The following TMC5 variants were observed in gnomAD, a reference collection of about 807,000 sequenced individuals.
TMC5 encodes the protein transmembrane channel-like protein 5.
Under a neutral mutation model 110.5 loss-of-function variants are expected in TMC5, and 86 were observed. That is an observed-to-expected ratio of 0.78 (90% CI 0.65 to 0.93). TMC5 has a LOEUF of 0.93. Among genes scored for constraint, TMC5 ranks in the 40% least tolerant of loss-of-function variants. The pLI, the probability that TMC5 is intolerant of heterozygous loss-of-function variation, is 0.00. For synonymous variants in TMC5, 455 were observed against 439.5 expected, an observed-to-expected ratio of 1.04 and a Z score of -0.44; for missense variants, 1,144 against 1,222.8, an observed-to-expected ratio of 0.94 and a Z score of 0.96.
At chr16:19,476,440 G>A (rs566229668) in intron 12 of TMC5, among the ~76,000 whole-genome samples, 5 of 152,240 alleles carry the variant, frequency 3.3e-5, no homozygotes, top group African/African-American at 7.2e-5. Context: ...CCCAGCCACC[G>A]ATCCATGGTG....
At chr16:19,469,237 C>T (rs972949021) in intron 9 of TMC5, among the ~76,000 whole-genome samples, 3 of 151,652 alleles carry the variant, frequency 2.0e-5, no homozygotes, top group Non-Finnish European at 4.4e-5. Flanking sequence ...ACCTGTAATC[C>T]CTGTTACTTG....
rs554598993 is a variant in TMC5 at position 19,468,482 on chromosome 16, C to A, written c.1638-1199C>A. 1.5e-4 allele frequency among the ~76,000 whole-genome samples: 23 copies of A among 152,236 alleles called. No individual in the cohort carries two copies. In the South Asian group the frequency reaches 1.7e-3, roughly 11 times the overall value. On this transcript the variant is annotated intron_variant, in intron 9 of 21. Coordinates refer to ENST00000542583, the MANE Select transcript of TMC5 (RefSeq NM_001261841.2). ...GGCTGAATAATCTCCCCCGACCCCC[C>A]CCAGAGAAGTCTACATCCTAATCCC...
intron 5 of TMC5, 127 bp from the exon 6 acceptor site, chr16:19,460,108 A>C: frequency 1.8e-6 from 1 of 568,430 alleles, no homozygotes; most frequent in Non-Finnish European, 3.0e-6. Flanking sequence ...TTCCTTTGTG[A>C]TCTTTGAGAT....
At chr16:19,485,296 G>T (rs1415793228) in intron 15 of TMC5, among the ~76,000 whole-genome samples, 2 of 152,008 alleles carry the variant, frequency 1.3e-5, no homozygotes, top group African/African-American at 4.8e-5. Flanking sequence ...GAAAACTAAG[G>T]TTTAGAGAGA....
At chr16:19,490,751 C>CTTCCTTCA (rs1968871160) in intron 18 of TMC5, among the ~76,000 whole-genome samples, 183 bp downstream of exon 18, 1 of 130,198 alleles carries the variant, frequency 7.7e-6, no homozygotes, top group South Asian at 2.7e-4. Flanking sequence ...TCCTTCCTTC[C>CTTCCTTCA]TTCCTTCCTT....
chr16:19,496,887 C>CAAAAAAAAAAAAAAAAAAAAAA (rs67040638), intron 20 of TMC5, among the ~76,000 whole-genome samples: 2 of 80,222 alleles, frequency 2.5e-5, no homozygotes, highest in African/African-American at 1.0e-4. Context: ...AAGACTCTGT[C>CAAAAAAAAAAAAAAAAAAAAAA]AAAAAAAAAA....
intron 1 of TMC5, among the ~76,000 whole-genome samples, chr16:19,418,727 G>GTTTTTTTTTTTTTT (rs57232416): frequency 1.7e-5 from 2 of 119,116 alleles, no homozygotes; most frequent in African/African-American, 3.0e-5. Flanking sequence ...TGATTTTTGT[G>GTTTTTTTTTTTTTT]TTTTTTTTTT....
At chr16:19,468,147 C>G (rs1230466284) in intron 9 of TMC5, among the ~76,000 whole-genome samples, 1 of 151,428 alleles carries the variant, frequency 6.6e-6, no homozygotes, top group Non-Finnish European at 1.5e-5. Flanking sequence ...GCTAATTTTT[C>G]TATTTTTAGT....
chr16:19,420,426 C>CA (rs537866257), intron 1 of TMC5, among the ~76,000 whole-genome samples: 2,230 of 142,402 alleles, frequency 0.016, 41 homozygotes, highest in African/African-American at 0.052. Context: ...GACTCCGTCT[C>CA]AAAAAAAAAA....
chr16:19,456,944 A>C (rs1967891428), intron 5 of TMC5: 1 of 1,614,204 alleles, frequency 6.2e-7, no homozygotes. Flanking sequence ...GAATGAGTCG[A>C]TGTCTCAGAC....
intron 18 of TMC5, among the ~76,000 whole-genome samples, chr16:19,491,679 G>T (rs1003484071): frequency 6.6e-6 from 1 of 151,820 alleles, no homozygotes; most frequent in Non-Finnish European, 1.5e-5. Context: ...GGGACTACAG[G>T]CACCCACCAC....
intron 19 of TMC5, among the ~76,000 whole-genome samples, chr16:19,492,543 T>G (rs1274942517): frequency 6.6e-6 from 1 of 152,002 alleles, no homozygotes; most frequent in Non-Finnish European, 1.5e-5. Flanking sequence ...CCTCCAGGGT[T>G]CAAGCGATTC....
intron 5 of TMC5, among the ~76,000 whole-genome samples, chr16:19,449,922 T>A (rs773297145): frequency 6.6e-6 from 1 of 152,224 alleles, no homozygotes; most frequent in African/African-American, 2.4e-5. Context: ...CATGAGGAAC[T>A]GTAAGACAAT....
chr16:19,456,064 G>A (rs1474422376), intron 5 of TMC5, among the ~76,000 whole-genome samples: 1 of 151,654 alleles, frequency 6.6e-6, no homozygotes, highest in Non-Finnish European at 1.5e-5. Context: ...AAAATTAGCC[G>A]GGCATGGTGG....
At chr16:19,473,083 C>T (rs1361445036) in intron 11 of TMC5, among the ~76,000 whole-genome samples, 6 of 152,152 alleles carry the variant, frequency 3.9e-5, no homozygotes, top group East Asian at 1.9e-4. Flanking sequence ...CAGTGGCTCA[C>T]GCCTGTAATC....
At chr16:19,416,920 C>T (rs1966880036), upstream of TMC5, among the ~76,000 whole-genome samples, 1 of 151,418 alleles carries the variant, frequency 6.6e-6, no homozygotes, top group Non-Finnish European at 1.5e-5. Flanking sequence ...ATGGTGAAAC[C>T]CCATCTCTAC....
At chr16:19,459,045 C>CTT (rs570759406) in intron 5 of TMC5, among the ~76,000 whole-genome samples, 13 of 143,188 alleles carry the variant, frequency 9.1e-5, no homozygotes, top group Admixed American at 2.8e-4. Context: ...TTGTTTTTTG[C>CTT]TTTTTTTTTT....
Position 19,440,299 on chromosome 16 carries a change from A to T in TMC5, c.261A>T (p.Arg87Ser), listed in dbSNP as rs1358135556. ...SLSNPDYSGT[R>S]SNAYSAASRT... is the part of the protein sequence containing the mutation. ...GTAATCCAGACTATTCTGGCACCAG[A>T]AGCAATGCATACTCTGCAGCCTCTA... Residue 87 changes from arginine to serine, a missense_variant, in exon 3 of 22, where the codon AGA becomes AGT. Coordinates refer to ENST00000542583, the MANE Select transcript of TMC5 (RefSeq NM_001261841.2). 2 of 1,614,028 alleles carry T rather than the reference A, an allele frequency of 1.2e-6. No individual in the cohort carries two copies. The highest frequency in any genetic ancestry group is 2.7e-5 in the African/African-American group (2 of 74,910).
At chr16:19,439,500 A>G (rs557900071) in intron 2 of TMC5, among the ~76,000 whole-genome samples, 1 of 152,318 alleles carries the variant, frequency 6.6e-6, no homozygotes, top group African/African-American at 2.4e-5. Context: ...AAAGACCACA[A>G]AAACAGTGGT....
Sources: allele counts gnomAD v4.1 joint callset (sites outside exome capture counted in the v4.1 genomes callset), GRCh38; gene constraint gnomAD v4.1.1; transcripts MANE v1.5; gene names NCBI Gene and HGNC (gene_info 2026-07-23, HGNC 2026-07-21).